The following YES1 variants were observed in gnomAD, a reference collection of about 807,000 sequenced individuals.
YES1 encodes the protein YES proto-oncogene 1, Src family tyrosine kinase.
Under a neutral mutation model 70.4 loss-of-function variants are expected in YES1, and 39 were observed. The ratio of observed to expected loss-of-function variants is 0.55; its 90% confidence interval spans 0.43 to 0.72. The LOEUF (loss-of-function observed/expected upper bound fraction) is 0.72, where lower values mean the gene tolerates loss of function less well. Ranked by LOEUF, YES1 falls within the 30% of genes least tolerant of loss-of-function variation. YES1 has a pLI of 0.00. For synonymous variants in YES1, 198 were observed against 218.6 expected (o/e 0.91, Z 0.83); for missense variants, 495 against 644.8 (o/e 0.77, Z 2.52).
chr18:789,989 T>C (rs937681370), intron 1 of YES1, among the ~76,000 whole-genome samples: 5 of 148,346 alleles, frequency 3.4e-5, no homozygotes, highest in Admixed American at 6.8e-5. Flanking sequence ...ACCAGGGAGG[T>C]TGAGGATGCA....
At chr18:786,324 T>C (rs1213779822) in intron 1 of YES1, among the ~76,000 whole-genome samples, 4 of 152,046 alleles carry the variant, frequency 2.6e-5, no homozygotes, top group Non-Finnish European at 5.9e-5. Flanking sequence ...TTCCCTTTTT[T>C]CTTCCTCCCT....
At position 743,094 on chromosome 18, in the gene YES1, G is replaced by C; in HGVS notation, c.884C>G (p.Thr295Arg). 1 of 1,583,846 alleles carries C rather than the reference G, an allele frequency of 6.3e-7. No individual in the cohort carries two copies. Among genetic ancestry groups the C allele is most frequent in the Non-Finnish European group, 8.5e-7 (1 of 1,170,090 alleles). The change falls in exon 8 of 12, where the codon ACA becomes AGA. Residue 295 changes from threonine (T) to arginine (R), a missense_variant. Thr to Arg is a moderately conservative substitution (Grantham distance 71). Coordinates refer to ENST00000314574, the MANE Select transcript of YES1 (RefSeq NM_005433.4). ...QGCFGEVWMG[T>R]WNGTTKVAIK... is the part of the protein sequence containing the mutation. ...TGCTACTTTCGTGGTTCCATTCCAT[G>C]TTCCTAAAGAAATAACACATTTTAG...
At chr18:744,872 G>A (rs567124556) in intron 6 of YES1, among the ~76,000 whole-genome samples, 12 of 151,862 alleles carry the variant, frequency 7.9e-5, no homozygotes, top group African/African-American at 2.9e-4. Context: ...GGGAACCCTA[G>A]ATTCATAACA....
At chr18:781,419 TACTC>T (rs569589625) in intron 1 of YES1, among the ~76,000 whole-genome samples, 1 of 152,172 alleles carries the variant, frequency 6.6e-6, no homozygotes, top group Admixed American at 6.6e-5. Flanking sequence ...GGCTTGTGAC[TACTC>T]AACCTTCAGG....
chr18:801,696 T>C (rs1043190426), intron 1 of YES1, among the ~76,000 whole-genome samples: 1 of 152,190 alleles, frequency 6.6e-6, no homozygotes, highest in Non-Finnish European at 1.5e-5. Context: ...TATATATGTA[T>C]AGAGAGTGTG....
chr18:754,268 C>T (rs552583373), intron 2 of YES1, among the ~76,000 whole-genome samples: 1 of 152,268 alleles, frequency 6.6e-6, no homozygotes, highest in South Asian at 2.1e-4. Flanking sequence ...TAATACAATT[C>T]TCCCCTCTGT....
At chr18:771,147 T>G (rs556941017) in intron 1 of YES1, among the ~76,000 whole-genome samples, 5 of 152,226 alleles carry the variant, frequency 3.3e-5, no homozygotes, top group African/African-American at 1.2e-4. Context: ...GGCAGATCAC[T>G]TGAGGTCTCA....
At position 811,752 on chromosome 18, in the gene YES1, A is replaced by G. The variant is rs115041214; in HGVS notation, c.-9+362T>C. ...CAAAGGGGCCGCTTCCCTCGCCCCT[A>G]CTTCGGCCGTAGGGGCAAAAATAAA... On this transcript the variant is annotated intron_variant, in intron 1 of 11. Transcript: ENST00000314574. Among the ~76,000 whole-genome samples the G allele has an allele frequency of 4.9e-3, 746 of 152,214 alleles. 4 individuals are homozygous for G. Among genetic ancestry groups the G allele is most frequent in the African/African-American group, 0.016 (682 of 41,542 alleles).
chr18:733,066 G>T, intron 10 of YES1, 101 bp from the exon 11 acceptor site: 1 of 1,098,118 alleles, frequency 9.1e-7, no homozygotes. Context: ...CTCTACTGTA[G>T]TCATCAGTGT....
chr18:764,793 C>T (rs1020875926), intron 1 of YES1, among the ~76,000 whole-genome samples: 13 of 151,596 alleles, frequency 8.6e-5, no homozygotes, highest in South Asian at 2.1e-4. Context: ...AGTGCAGTGG[C>T]GCGATCTCGA....
chr18:777,148 G>A (rs945205926), intron 1 of YES1, among the ~76,000 whole-genome samples: 7 of 152,174 alleles, frequency 4.6e-5, no homozygotes, highest in African/African-American at 1.4e-4. Context: ...GTTGTAAGTA[G>A]TCTGGTGCTG....
At chr18:786,532 C>CACACAT (rs1905956210) in intron 1 of YES1, among the ~76,000 whole-genome samples, 2 of 151,340 alleles carry the variant, frequency 1.3e-5, no homozygotes, top group African/African-American at 4.9e-5. Flanking sequence ...CACACACACA[C>CACACAT]ACACAGAGTT....
At chr18:780,000 G>A (rs982726715) in intron 1 of YES1, among the ~76,000 whole-genome samples, 2 of 151,798 alleles carry the variant, frequency 1.3e-5, no homozygotes. Context: ...TTGGGAGGCT[G>A]AGGAGGGTAG....
At chr18:796,948 C>A (rs1221475358) in intron 1 of YES1, among the ~76,000 whole-genome samples, 1 of 151,932 alleles carries the variant, frequency 6.6e-6, no homozygotes, top group Non-Finnish European at 1.5e-5. Context: ...TACATAAAAT[C>A]CAGAGTATAG....
chr18:807,920 T>C (rs781524022), intron 1 of YES1, among the ~76,000 whole-genome samples: 7 of 152,158 alleles, frequency 4.6e-5, no homozygotes. Context: ...TGAAGTATAA[T>C]GCTTCAAGGA....
intron 10 of YES1, 73 bp downstream of exon 10, chr18:736,735 A>G: frequency 6.5e-7 from 1 of 1,528,286 alleles, no homozygotes; most frequent in Non-Finnish European, 8.8e-7. Context: ...TTATTCTGGA[A>G]AACCCTGTAT....
At chr18:742,833 A>T in intron 8 of YES1, 85 bp downstream of exon 8, 1 of 1,095,852 alleles carries the variant, frequency 9.1e-7, no homozygotes, top group African/African-American at 1.6e-5. Context: ...CTTAAATTAG[A>T]AAACAGTATA....
At chr18:755,189 C>T (rs1367400876) in intron 2 of YES1, among the ~76,000 whole-genome samples, 1 of 151,876 alleles carries the variant, frequency 6.6e-6, no homozygotes, top group African/African-American at 2.4e-5. Context: ...ATTGACTTAA[C>T]ATGCATAACT....
intron 1 of YES1, among the ~76,000 whole-genome samples, chr18:783,247 G>A (rs920570452): frequency 6.6e-6 from 1 of 152,020 alleles, no homozygotes; most frequent in African/African-American, 2.4e-5. Context: ...ACATTATACT[G>A]CATATTTTAG....
Sources: gnomAD v4.1 joint callset for allele counts (sites outside exome capture counted in the v4.1 genomes callset) on GRCh38, gnomAD v4.1.1 for gene constraint, MANE v1.5 for transcripts, NCBI Gene and HGNC (gene_info 2026-07-23, HGNC 2026-07-21) for gene names.